Variants in CEBPZOS observed in about 807,000 individuals in gnomAD.
CEBPZOS encodes the protein CEBPZ opposite strand.
CEBPZOS carries 10 observed loss-of-function variants against 4.8 expected under a neutral mutation model. The observed-to-expected ratio is 2.07, with a 90% CI of 1.28 to 3.52. CEBPZOS has a LOEUF of 3.52. Ranked by LOEUF, CEBPZOS falls within the 30% of genes most tolerant of loss-of-function variation. CEBPZOS has a pLI of 0.00. For missense variants in CEBPZOS, 98 were observed against 43.6 expected, an observed-to-expected ratio of 2.25 and a Z score of -3.51; for synonymous variants, 25 against 14.2, an observed-to-expected ratio of 1.77 and a Z score of -1.72.
chr2:37,201,803 C>G lies in CEBPZOS; in HGVS notation c.*3-60C>G, dbSNP rs560242482. The G allele has an allele frequency of 2.6e-6, 4 of 1,567,112 alleles. No homozygotes were observed. In the South Asian group the frequency reaches 4.4e-5, roughly 17 times the overall value. On this transcript the variant is annotated intron_variant, in intron 4 of 4. Transcript: ENST00000402297. ...TTTTAGTTTTTTGAGTGGTTTTAAT[C>G]CTCTTCTTTTTAAAATGTTTCTTTT...
chr2:37,211,300 C>T (rs1677713904), intron 4 of CEBPZOS: 2 of 376,318 alleles, frequency 5.3e-6, no homozygotes, highest in Non-Finnish European at 9.4e-6. Flanking sequence ...ACAAAATTTT[C>T]TAAATAGCTT....
At chr2:37,211,197 C>CA in intron 4 of CEBPZOS, 1 of 598,222 alleles carries the variant, frequency 1.7e-6, no homozygotes, top group Non-Finnish European at 2.8e-6. Flanking sequence ...ACTGCTATTC[C>CA]ATGTGGGTTT....
chr2:37,204,332 C>T lies in CEBPZOS; in HGVS notation c.*2472C>T, dbSNP rs1677445291. The T allele has an allele frequency of 5.0e-5, 7 of 139,350 alleles. No individual in the cohort carries two copies. In the Admixed American group the frequency reaches 5.5e-4, roughly 11 times the overall value. 8.6% of individuals were successfully genotyped at this position (139,350 alleles called of 1,614,324 possible). A position where few individuals can be genotyped will look rare whatever the true frequency, so the allele number is the denominator to read the frequency against. On this transcript the variant is annotated 3_prime_UTR_variant, in exon 5 of 5. Coordinates refer to ENST00000402297, the MANE Select transcript of CEBPZOS (RefSeq NM_001322374.2). Reference sequence around the variant, plus strand: ...CTCGCTTTGTCGCCAGGCTGGAGTACAGGGGCGTGATCTCGGCTCACTGCA... The same window carrying T: ...CTCGCTTTGTCGCCAGGCTGGAGTATAGGGGCGTGATCTCGGCTCACTGCA...
At chr2:37,205,161 C>G (rs1677490097), downstream of CEBPZOS, among the ~76,000 whole-genome samples, 1 of 152,160 alleles carries the variant, frequency 6.6e-6, no homozygotes, top group South Asian at 2.1e-4. Flanking sequence ...TTTGAAAGAG[C>G]TGATAAAATT....
At chr2:37,214,011 T>C (rs1396135332), downstream of CEBPZOS, 2 of 1,022,128 alleles carry the variant, frequency 2.0e-6, no homozygotes, top group East Asian at 3.0e-5. Context: ...GGTCTAATCT[T>C]ACTATATATC....
downstream of CEBPZOS, chr2:37,215,968 A>T: frequency 2.4e-6 from 1 of 419,594 alleles, no homozygotes; most frequent in Non-Finnish European, 4.1e-6. Context: ...AAAAAAAAAA[A>T]GGCCCAGTCA....
chr2:37,199,008 C>CA (rs914210229), intron 1 of CEBPZOS, among the ~76,000 whole-genome samples: 1 of 151,446 alleles, frequency 6.6e-6, no homozygotes, highest in Non-Finnish European at 1.5e-5. Flanking sequence ...ACAAAAAATA[C>CA]AAAAAAATAG....
intron 4 of CEBPZOS, chr2:37,210,034 T>C (rs1677669276): frequency 6.6e-6 from 1 of 152,138 alleles, no homozygotes; most frequent in Admixed American, 6.5e-5. Flanking sequence ...ATGCTCAACA[T>C]CCCTGATTAT....
chr2:37,210,727 A>T (rs904285966), intron 4 of CEBPZOS: 4 of 323,828 alleles, frequency 1.2e-5, no homozygotes, highest in Admixed American at 9.6e-5. Context: ...GAACTTACCT[A>T]TGTAACCAAA....
downstream of CEBPZOS, among the ~76,000 whole-genome samples, chr2:37,205,445 G>C (rs1558467086): frequency 6.6e-6 from 1 of 151,998 alleles, no homozygotes; most frequent in African/African-American, 2.4e-5. Context: ...CCCCACTCCT[G>C]CCAGGCAGAG....
At position 37,211,295 on chromosome 2, in the gene CEBPZOS, A is replaced by G. The variant is rs921862807; in HGVS notation, c.*3-2142A>G. 4.2e-5 allele frequency: 16 copies of G among 380,152 alleles called. No individual in the cohort carries two copies. In the South Asian group the frequency reaches 1.1e-3, roughly 26 times the overall value. The allele number at this position is 380,152 out of a possible 1,614,324, so 23.5% of individuals were successfully genotyped here. ...TTCTAATATTTTGTGCAAGTACAAA[A>G]TTTTCTAAATAGCTTCATTAATAAG... On this transcript the variant is annotated intron_variant, in intron 4 of 4. Transcript: ENST00000397064.
chr2:37,205,001 G>GAA (rs1572491381), downstream of CEBPZOS, among the ~76,000 whole-genome samples: 2 of 152,156 alleles, frequency 1.3e-5, no homozygotes, highest in East Asian at 3.8e-4. Flanking sequence ...ATGCTTTTGA[G>GAA]AAAAACTGCC....
At chr2:37,214,907 A>G, downstream of CEBPZOS, 1 of 1,610,472 alleles carries the variant, frequency 6.2e-7, no homozygotes, top group African/African-American at 1.3e-5. Flanking sequence ...CACTTCATCC[A>G]CTGGTATTTG....
At chr2:37,201,212 T>C in intron 3 of CEBPZOS, 120 bp downstream of exon 3, 1 of 621,536 alleles carries the variant, frequency 1.6e-6, no homozygotes, top group Non-Finnish European at 2.9e-6. Context: ...TTTTAGTTCT[T>C]CTGAGACTAA....
chr2:37,199,827 T>C lies in CEBPZOS; in HGVS notation c.115+8T>C, dbSNP rs1470775461. ...AGATGCACACAAGCCAAGGTAATCA[T>C]AATTCAGAAGTTAATGCTTTCTAAA... On this transcript the variant is annotated splice_region_variant and intron_variant, in intron 2 of 4. Coordinates refer to ENST00000402297, the MANE Select transcript of CEBPZOS (RefSeq NM_001322374.2). The C allele has an allele frequency of 2.8e-6, 2 of 717,148 alleles. No individual in the cohort carries two copies. The highest frequency in any genetic ancestry group is 4.0e-5 in the Admixed American group (2 of 49,896). 44.4% of individuals were successfully genotyped at this position (717,148 alleles called of 1,614,324 possible). A position where few individuals can be genotyped will look rare whatever the true frequency, so the allele number is the denominator to read the frequency against.
chr2:37,209,393 ATAC>A (rs2148344770), downstream of CEBPZOS: 2 of 152,356 alleles, frequency 1.3e-5, no homozygotes, highest in South Asian at 4.1e-4. Context: ...ACTTCAAACT[ATAC>A]TACTAGGCTA....
At chr2:37,210,899 A>C (rs1677700684) in intron 4 of CEBPZOS, 5 of 452,080 alleles carry the variant, frequency 1.1e-5, no homozygotes, top group Admixed American at 4.4e-5. Flanking sequence ...CCCACCCCTG[A>C]ATTTTATTAA....
chr2:37,198,002 T>A (rs1677032649), intron 1 of CEBPZOS, among the ~76,000 whole-genome samples: 1 of 151,788 alleles, frequency 6.6e-6, no homozygotes, highest in South Asian at 2.1e-4. Flanking sequence ...TCTACTAAAA[T>A]ACAAAAAATT....
chr2:37,211,899 T>C (rs112454592), intron 4 of CEBPZOS: 1 of 1,612,282 alleles, frequency 6.2e-7, no homozygotes. Flanking sequence ...TCCATCTTCA[T>C]CAACTTCAGC....
Sources: gnomAD v4.1 joint callset for allele counts (sites outside exome capture counted in the v4.1 genomes callset) on GRCh38, gnomAD v4.1.1 for gene constraint, MANE v1.5 for transcripts, NCBI Gene and HGNC (gene_info 2026-07-23, HGNC 2026-07-21) for gene names.